The following SLC26A7 variants were observed in gnomAD, a reference collection of about 807,000 sequenced individuals.
SLC26A7 encodes the protein anion exchange transporter.
A neutral mutation model predicts 82.5 loss-of-function variants in SLC26A7; 59 were observed. The ratio of observed to expected loss-of-function variants is 0.72; its 90% CI spans 0.58 to 0.89. SLC26A7 has a LOEUF of 0.89. Ranked by LOEUF, SLC26A7 falls within the 40% of genes least tolerant of loss-of-function variation. The pLI is 0.00. For synonymous variants in SLC26A7, 271 were observed against 274.3 expected (o/e 0.99, Z 0.12); for missense variants, 820 against 793.0 (o/e 1.03, Z -0.41).
At chr8:91,348,438 A>G (rs1035656465) in intron 9 of SLC26A7, 14 of 720,550 alleles carry the variant, frequency 1.9e-5, no homozygotes, top group Non-Finnish European at 2.2e-5. Flanking sequence ...CATCTTTGTA[A>G]CTAACATAGA....
chr8:91,375,065 C>A (rs181087742), intron 15 of SLC26A7, among the ~76,000 whole-genome samples: 1 of 151,148 alleles, frequency 6.6e-6, no homozygotes, highest in East Asian at 1.9e-4. Flanking sequence ...AACTCCTGTT[C>A]TTTTATGTTT....
At chr8:91,212,018 T>A (rs1003066007) in intron 1 of SLC26A7, among the ~76,000 whole-genome samples, 2 of 152,158 alleles carry the variant, frequency 1.3e-5, no homozygotes, top group East Asian at 3.8e-4. Flanking sequence ...TCAATCTTGA[T>A]CATAATTAAT....
intron 2 of SLC26A7, among the ~76,000 whole-genome samples, chr8:91,279,169 A>G (rs4637781): frequency 0.13 from 16,624 of 132,956 alleles, 1,296 homozygotes; most frequent in Middle Eastern, 0.26. Context: ...ATATATATGT[A>G]TCACATTTTA....
chr8:91,349,734 G>A (rs1813661651), intron 9 of SLC26A7, among the ~76,000 whole-genome samples: 1 of 152,076 alleles, frequency 6.6e-6, no homozygotes, highest in African/African-American at 2.4e-5. Context: ...AAGATTTAGG[G>A]TTTTGGTTTC....
chr8:91,365,131 A>G (rs1342750035), intron 13 of SLC26A7, among the ~76,000 whole-genome samples: 1 of 152,064 alleles, frequency 6.6e-6, no homozygotes, highest in Non-Finnish European at 1.5e-5. Context: ...TCTTTTCTAG[A>G]ACAATTTGAA....
intron 2 of SLC26A7, among the ~76,000 whole-genome samples, chr8:91,254,001 A>G (rs1425327726): frequency 6.6e-6 from 1 of 152,138 alleles, no homozygotes; most frequent in Non-Finnish European, 1.5e-5. Flanking sequence ...TGTAATAAAG[A>G]TACTGATAGT....
Position 91,338,228 on chromosome 8 carries a change from C to A in SLC26A7, c.874C>A (p.Gln292Lys). ...YGLEVVGHIP[Q>K]GIPSPRAPPM... is the part of the protein sequence containing the mutation. ...ATTAGAAGTAGTTGGTCATATTCCA[C>A]AAGGGTAATGTAGTCCTTTTTAAAA... is the stretch of plus-strand genomic sequence containing the variant. Residue 292 changes from glutamine to lysine, a missense_variant, in exon 7 of 19, where the codon CAA (glutamine) becomes AAA (lysine). Gln to Lys is a moderately conservative substitution (Grantham distance 53, BLOSUM62 1). Transcript: ENST00000276609. The A allele has an allele frequency of 6.2e-7, 1 of 1,601,872 alleles. No individual in the cohort carries two copies. The highest frequency in any genetic ancestry group is 8.5e-7 in the Non-Finnish European group (1 of 1,174,222).
chr8:91,280,618 C>T (rs1811545558), intron 2 of SLC26A7, among the ~76,000 whole-genome samples: 1 of 152,206 alleles, frequency 6.6e-6, no homozygotes, highest in Non-Finnish European at 1.5e-5. Context: ...GCCAGGAGTG[C>T]CATTTCAGTG....
At chr8:91,343,130 G>A (rs1036381988) in intron 8 of SLC26A7, 6 of 472,684 alleles carry the variant, frequency 1.3e-5, no homozygotes, top group Non-Finnish European at 1.9e-5. Flanking sequence ...TTCCCTATAA[G>A]GTTGTTCTGA....
intron 2 of SLC26A7, among the ~76,000 whole-genome samples, chr8:91,232,598 G>C (rs1413094858): frequency 6.6e-6 from 1 of 152,190 alleles, no homozygotes; most frequent in African/African-American, 2.4e-5. Flanking sequence ...AATCACATTG[G>C]TTTGATTTGG....
intron 7 of SLC26A7, among the ~76,000 whole-genome samples, chr8:91,339,929 TA>T (rs1390744460): frequency 6.6e-6 from 1 of 152,170 alleles, no homozygotes; most frequent in East Asian, 1.9e-4. Flanking sequence ...GTTAAAAACA[TA>T]ATTAAGATAA....
intron 2 of SLC26A7, among the ~76,000 whole-genome samples, chr8:91,272,016 C>A (rs981511334): frequency 6.6e-6 from 1 of 152,090 alleles, no homozygotes. Context: ...CTACAAGAAG[C>A]TTTTGTGCTT....
intron 2 of SLC26A7, among the ~76,000 whole-genome samples, chr8:91,256,570 G>A (rs1810809021): frequency 6.6e-6 from 1 of 152,066 alleles, no homozygotes; most frequent in South Asian, 2.1e-4. Flanking sequence ...TGCCTCTACA[G>A]TTTCCCAGGA....
chr8:91,379,750 T>C (rs1480195003), intron 15 of SLC26A7, among the ~76,000 whole-genome samples: 1 of 152,064 alleles, frequency 6.6e-6, no homozygotes, highest in Non-Finnish European at 1.5e-5. Context: ...ATAAATTTCC[T>C]TAAAACAAGA....
At chr8:91,388,429 A>G (rs6993260) in intron 15 of SLC26A7, among the ~76,000 whole-genome samples, 10,996 of 152,270 alleles carry the variant, frequency 0.072, 578 homozygotes, top group African/African-American at 0.15. Flanking sequence ...AACTTGAGAA[A>G]GAACCACAGT....
intron 4 of SLC26A7, among the ~76,000 whole-genome samples, chr8:91,302,559 CA>C (rs1234434033): frequency 1.3e-5 from 2 of 152,132 alleles, no homozygotes; most frequent in African/African-American, 4.8e-5. Context: ...TTAACAACAG[CA>C]TTATTGAGGT....
chr8:91,209,746 AG>A (rs757041419), intron 1 of SLC26A7, among the ~76,000 whole-genome samples: 20 of 152,254 alleles, frequency 1.3e-4, no homozygotes, highest in Non-Finnish European at 2.6e-4. Context: ...AATTTTTAAT[AG>A]AATTTTGTTA....
At chr8:91,218,846 T>A in intron 1 of SLC26A7, 1 of 1,222,740 alleles carries the variant, frequency 8.2e-7, no homozygotes, top group Non-Finnish European at 1.2e-6. Flanking sequence ...GAAAAATACT[T>A]ATTGAACACT....
chr8:91,300,169 T>A (rs745346303), intron 4 of SLC26A7, among the ~76,000 whole-genome samples: 3 of 152,196 alleles, frequency 2.0e-5, no homozygotes, highest in Non-Finnish European at 2.9e-5. Context: ...TTCAGAGTGT[T>A]TTAAAATTTT....
Sources: gnomAD v4.1 joint callset for allele counts (sites outside exome capture counted in the v4.1 genomes callset) on GRCh38, gnomAD v4.1.1 for gene constraint, MANE v1.5 for transcripts, NCBI Gene and HGNC (gene_info 2026-07-23, HGNC 2026-07-21) for gene names.